Variants in LMCD1 observed in about 807,000 individuals in gnomAD.
The protein encoded by LMCD1 is LIM and cysteine-rich domains protein 1.
In LMCD1, 32 loss-of-function variants were observed where a neutral mutation model predicts 42.7. The ratio of observed to expected loss-of-function variants is 0.75; its 90% CI spans 0.57 to 1.01. The LOEUF (loss-of-function observed/expected upper bound fraction) is 1.01. Ranked by LOEUF, LMCD1 falls within the 50% of genes least tolerant of loss-of-function variation. LMCD1 has a pLI of 0.00. For missense variants in LMCD1, 458 were observed against 483.1 expected (o/e 0.95, Z 0.49); for synonymous variants, 178 against 184.9 (o/e 0.96, Z 0.30).
At chr3:8,564,614 C>T (rs969104036) in intron 4 of LMCD1, among the ~76,000 whole-genome samples, 4 of 152,092 alleles carry the variant, frequency 2.6e-5, no homozygotes, top group African/African-American at 7.2e-5. Flanking sequence ...TCTTCATGCA[C>T]GGGTAAAAAG....
chr3:8,566,732 A>G (rs1559359215), intron 5 of LMCD1, among the ~76,000 whole-genome samples: 1 of 152,254 alleles, frequency 6.6e-6, no homozygotes, highest in Non-Finnish European at 1.5e-5. Flanking sequence ...TGAAAGGTCA[A>G]TGCTAATTAG....
chr3:8,511,124 G>A (rs568520320), intron 1 of LMCD1, among the ~76,000 whole-genome samples: 1 of 152,132 alleles, frequency 6.6e-6, no homozygotes, highest in African/African-American at 2.4e-5. Context: ...TCAATAAAAG[G>A]GGCCTAAAAG....
chr3:8,527,436 G>T lies in LMCD1; in HGVS notation c.43-5301G>T, dbSNP rs142260067. 5.1e-4 allele frequency among the ~76,000 whole-genome samples: 77 copies of T among 152,268 alleles called. 1 individual carries two copies. In the East Asian group the frequency reaches 0.012, roughly 24 times the overall value. Reference sequence around the variant, plus strand: ...TGGGAAGTCATATTATTAAATAAGAGAATTACTAAGTAAAATCACTGAGTA... The same window carrying T: ...TGGGAAGTCATATTATTAAATAAGATAATTACTAAGTAAAATCACTGAGTA... On this transcript the variant is annotated intron_variant, in intron 1 of 5. Transcript: ENST00000157600.
At chr3:8,551,589 TC>T (rs1182209350) in intron 4 of LMCD1, among the ~76,000 whole-genome samples, 1 of 152,208 alleles carries the variant, frequency 6.6e-6, no homozygotes, top group Non-Finnish European at 1.5e-5. Flanking sequence ...TGTTATTTGT[TC>T]CAGGCAGGAA....
intron 1 of LMCD1, among the ~76,000 whole-genome samples, chr3:8,520,116 C>T (rs1389511752): frequency 6.6e-6 from 1 of 152,116 alleles, no homozygotes; most frequent in African/African-American, 2.4e-5. Flanking sequence ...AAAAATCCAC[C>T]AACTTGGTGT....
chr3:8,519,988 G>T (rs1413096694), intron 1 of LMCD1, among the ~76,000 whole-genome samples: 6 of 152,056 alleles, frequency 3.9e-5, no homozygotes, highest in African/African-American at 1.4e-4. Flanking sequence ...GAATTTAGGT[G>T]TGAGATTCCC....
At chr3:8,553,808 A>G (rs979672019) in intron 4 of LMCD1, among the ~76,000 whole-genome samples, 5 of 152,330 alleles carry the variant, frequency 3.3e-5, no homozygotes, top group East Asian at 1.9e-4. Flanking sequence ...TCATGGGGCA[A>G]TACCAAGCCT....
intron 1 of LMCD1, among the ~76,000 whole-genome samples, chr3:8,512,037 A>G (rs1694011550): frequency 1.3e-5 from 2 of 152,246 alleles, no homozygotes; most frequent in Middle Eastern, 3.2e-3. Context: ...GCACACACAT[A>G]TACGTCCGTG....
chr3:8,563,467 T>C (rs1695075865), intron 4 of LMCD1, among the ~76,000 whole-genome samples: 1 of 152,196 alleles, frequency 6.6e-6, no homozygotes, highest in South Asian at 2.1e-4. Context: ...CAGTAGAGGG[T>C]CCTGGGTCAG....
At chr3:8,555,516 T>C (rs1229525639) in intron 4 of LMCD1, among the ~76,000 whole-genome samples, 3 of 152,092 alleles carry the variant, frequency 2.0e-5, no homozygotes, top group Non-Finnish European at 4.4e-5. Flanking sequence ...TCAGGCACCA[T>C]GGGCAGGAGC....
At chr3:8,553,205 C>A (rs1043677267) in intron 4 of LMCD1, among the ~76,000 whole-genome samples, 1 of 152,154 alleles carries the variant, frequency 6.6e-6, no homozygotes, top group African/African-American at 2.4e-5. Context: ...CCTACACCCA[C>A]CCCCCGACAC....
intron 4 of LMCD1, among the ~76,000 whole-genome samples, chr3:8,559,755 A>G (rs1694996621): frequency 6.6e-6 from 1 of 152,232 alleles, no homozygotes; most frequent in African/African-American, 2.4e-5. Context: ...TCATCCTTTG[A>G]GATGACTGAG....
chr3:8,506,510 A>G (rs940309660), intron 1 of LMCD1, among the ~76,000 whole-genome samples: 1 of 152,176 alleles, frequency 6.6e-6, no homozygotes, highest in African/African-American at 2.4e-5. Flanking sequence ...AAAGGTAAAG[A>G]GTAGAGAAGT....
In LMCD1 at chr3:8,566,673, G is replaced by A. The variant is rs571460600; in HGVS notation, c.940-767G>A. ...TTATATCACAACAATCCTTTAGGGA[G>A]AGATAAGCATGATTTTTTCTCATTT... On this transcript the variant is annotated intron_variant, in intron 5 of 5. Transcript: ENST00000157600. Among the ~76,000 whole-genome samples, 5 of 152,312 alleles carry A rather than the reference G, an allele frequency of 3.3e-5. No homozygotes were observed. The South Asian group carries it at 8.3e-4, about 25-fold the overall frequency.
chr3:8,555,097 T>C (rs969620748), intron 4 of LMCD1, among the ~76,000 whole-genome samples: 13 of 151,986 alleles, frequency 8.6e-5, no homozygotes, highest in African/African-American at 3.1e-4. Context: ...GAAATCATCC[T>C]CCAGGATCCT....
intron 4 of LMCD1, among the ~76,000 whole-genome samples, chr3:8,560,633 C>T (rs1456261737): frequency 6.6e-6 from 1 of 152,188 alleles, no homozygotes; most frequent in Non-Finnish European, 1.5e-5. Context: ...AGACAACTCA[C>T]TTTGTATTCA....
At chr3:8,539,026 G>A (rs1313550651) in intron 3 of LMCD1, among the ~76,000 whole-genome samples, 1 of 152,244 alleles carries the variant, frequency 6.6e-6, no homozygotes, top group Non-Finnish European at 1.5e-5. Context: ...ATGCAACTGT[G>A]TGATGGGATG....
At chr3:8,536,689 T>A (rs887398236) in intron 2 of LMCD1, among the ~76,000 whole-genome samples, 1 of 152,192 alleles carries the variant, frequency 6.6e-6, no homozygotes, top group Non-Finnish European at 1.5e-5. Flanking sequence ...GGCCAGAAAG[T>A]ACATATTTTA....
intron 1 of LMCD1, among the ~76,000 whole-genome samples, chr3:8,515,722 T>C (rs1694085465): frequency 6.6e-6 from 1 of 152,114 alleles, no homozygotes; most frequent in Non-Finnish European, 1.5e-5. Context: ...AGCAGCTTTG[T>C]TCTCCTTTCT....
Sources: allele counts gnomAD v4.1 joint callset (sites outside exome capture counted in the v4.1 genomes callset), GRCh38; gene constraint gnomAD v4.1.1; transcripts MANE v1.5; gene names NCBI Gene and HGNC (gene_info 2026-07-23, HGNC 2026-07-21).